The following MLLT3 variants were observed in gnomAD, a reference collection of about 807,000 sequenced individuals.
MLLT3 encodes the protein protein AF-9.
MLLT3 carries 4 observed loss-of-function variants against 53.2 expected under a neutral mutation model. The observed-to-expected ratio is 0.08, with a 90% confidence interval of 0.04 to 0.17. The LOEUF (loss-of-function observed/expected upper bound fraction) is 0.17, where lower values mean the gene tolerates loss of function less well. MLLT3 is among the 10% of genes least tolerant of loss of function. MLLT3 has a pLI of 1.00. For missense variants in MLLT3, 569 were observed against 684.0 expected (o/e 0.83, Z 1.87); for synonymous variants, 283 against 230.6 (o/e 1.23, Z -2.06).
intron 2 of MLLT3, among the ~76,000 whole-genome samples, chr9:20,548,323 C>A (rs116240518): frequency 2.0e-5 from 3 of 152,170 alleles, no homozygotes; most frequent in Non-Finnish European, 2.9e-5. Context: ...TCTGACATTG[C>A]GTTTATGATG....
chr9:20,460,205 C>G (rs537503759), intron 2 of MLLT3, among the ~76,000 whole-genome samples: 2 of 152,308 alleles, frequency 1.3e-5, no homozygotes, highest in South Asian at 4.2e-4. Flanking sequence ...TCTCTCACTG[C>G]ATCAAGTTTA....
At chr9:20,380,882 G>A (rs573458832) in intron 5 of MLLT3, among the ~76,000 whole-genome samples, 4 of 152,038 alleles carry the variant, frequency 2.6e-5, no homozygotes, top group East Asian at 1.9e-4. Context: ...CTAAAAATGC[G>A]AAAGAAAGCC....
chr9:20,397,100 A>C (rs1822339657), intron 5 of MLLT3, among the ~76,000 whole-genome samples: 1 of 152,184 alleles, frequency 6.6e-6, no homozygotes, highest in Non-Finnish European at 1.5e-5. Context: ...TACGATCATC[A>C]TTTATGAGCA....
rs1554673228 is a variant in MLLT3, at chr9:20,342,834, G to GTGTATATA, written c.*3608_*3609insTATATACA. The GTGTATATA allele has an allele frequency of 8.0e-3, 1,341 of 166,684 alleles. 17 individuals are homozygous for GTGTATATA. Among genetic ancestry groups the GTGTATATA allele is most frequent in the African/African-American group, 0.031 (1,228 of 40,226 alleles). 10.3% of individuals were successfully genotyped at this position (166,684 alleles called of 1,614,324 possible). The stretch of plus-strand genomic sequence containing the variant: ...AAGATTACTCTGATAATATATATGT[G>GTGTATATA]TATATATATATATATATGTATATAT... On this transcript the variant is annotated 3_prime_UTR_variant, in exon 11 of 11. Transcript: ENST00000380338.
At chr9:20,399,318 C>G (rs766355377) in intron 5 of MLLT3, among the ~76,000 whole-genome samples, 2 of 152,054 alleles carry the variant, frequency 1.3e-5, no homozygotes, top group Admixed American at 6.6e-5. Context: ...TAAATACATA[C>G]GCATATATTA....
chr9:20,573,191 T>TTG (rs1712158673), intron 2 of MLLT3, among the ~76,000 whole-genome samples: 3 of 148,720 alleles, frequency 2.0e-5, no homozygotes, highest in Non-Finnish European at 4.5e-5. Context: ...TTGTTTTGTT[T>TTG]TTTTTTTTTG....
chr9:20,394,959 A>G (rs1477680771), intron 5 of MLLT3, among the ~76,000 whole-genome samples: 2 of 152,108 alleles, frequency 1.3e-5, no homozygotes, highest in East Asian at 3.9e-4. Context: ...AAGGTGACCC[A>G]TGTGAGAGAA....
Position 20,537,941 on chromosome 9 carries a change from G to C in MLLT3, c.194-81155C>G, listed in dbSNP as rs111527529. ...ACTAATTACAAATCAGAAGACAAAT[G>C]ATAAACTACATGGCAGACTTATAAT... On this transcript the variant is annotated intron_variant, in intron 2 of 10. Transcript: ENST00000380338. Among the ~76,000 whole-genome samples the C allele has an allele frequency of 3.9e-5, 6 of 152,196 alleles. 1 individual carries two copies. Among genetic ancestry groups the C allele is most frequent in the African/African-American group, 1.2e-4 (5 of 41,528 alleles).
chr9:20,591,619 C>A (rs1242133682), intron 2 of MLLT3, among the ~76,000 whole-genome samples: 2 of 152,070 alleles, frequency 1.3e-5, no homozygotes, highest in African/African-American at 4.8e-5. Flanking sequence ...GTTTAGGGAA[C>A]AAAGAATCAC....
At chr9:20,353,228 C>T (rs1293964704) in intron 10 of MLLT3, among the ~76,000 whole-genome samples, 2 of 152,210 alleles carry the variant, frequency 1.3e-5, no homozygotes, top group East Asian at 1.9e-4. Context: ...TGTCCCCTCC[C>T]TGAGCCCACA....
At chr9:20,479,691 T>C (rs921104347) in intron 2 of MLLT3, among the ~76,000 whole-genome samples, 2 of 152,216 alleles carry the variant, frequency 1.3e-5, no homozygotes, top group African/African-American at 4.8e-5. Flanking sequence ...TGTCCTAGCT[T>C]TCCTTCCTGG....
At chr9:20,489,158 A>G (rs2118918843) in intron 2 of MLLT3, among the ~76,000 whole-genome samples, 2 of 152,286 alleles carry the variant, frequency 1.3e-5, no homozygotes, top group South Asian at 2.1e-4. Flanking sequence ...TTAACAAGGG[A>G]GAGCGGGTGG....
rs1464281441 is a variant in MLLT3, at chr9:20,343,967, C to CA, written c.*2475dup. 15 of 202,668 alleles carry CA rather than the reference C, an allele frequency of 7.4e-5. No homozygotes were observed. Among genetic ancestry groups the CA allele is most frequent in the Middle Eastern group, 1.7e-3 (1 of 596 alleles). 12.6% of individuals were successfully genotyped at this position (202,668 alleles called of 1,614,324 possible). A position where few individuals can be genotyped will look rare whatever the true frequency, so the allele number is the denominator to read the frequency against. On this transcript the variant is annotated 3_prime_UTR_variant, in exon 11 of 11. Coordinates refer to ENST00000380338, the MANE Select transcript of MLLT3 (RefSeq NM_004529.4). ...TTAGATGAGAGCAAGATTACCACTT[C>CA]AAAAAAAATAACGTAACTCTCAGTC...
intron 5 of MLLT3, among the ~76,000 whole-genome samples, chr9:20,395,206 T>C (rs1479705586): frequency 1.3e-5 from 2 of 152,202 alleles, no homozygotes; most frequent in Non-Finnish European, 2.9e-5. Flanking sequence ...ATCTGCTTAA[T>C]CTTCTCCCCT....
At chr9:20,366,424 G>C (rs1587160976) in intron 5 of MLLT3, among the ~76,000 whole-genome samples, 1 of 151,950 alleles carries the variant, frequency 6.6e-6, no homozygotes, top group South Asian at 2.1e-4. Flanking sequence ...TGTGCCACAT[G>C]TTCTTTATCC....
intron 2 of MLLT3, among the ~76,000 whole-genome samples, chr9:20,616,488 T>C (rs1820835907): frequency 6.6e-6 from 1 of 151,558 alleles, no homozygotes; most frequent in African/African-American, 2.4e-5. Context: ...GAGTTAACTT[T>C]AAAAAAAAAT....
chr9:20,401,472 A>G (rs1470526302), intron 5 of MLLT3, among the ~76,000 whole-genome samples: 1 of 152,178 alleles, frequency 6.6e-6, no homozygotes, highest in Non-Finnish European at 1.5e-5. Context: ...GAAACCCAGT[A>G]TGACAGACAG....
Position 20,347,661 on chromosome 9 carries a change from A to C in MLLT3, c.1576-1087T>G, listed in dbSNP as rs148274410. Among the ~76,000 whole-genome samples, 143 of 152,292 alleles carry C rather than the reference A, an allele frequency of 9.4e-4. 1 individual carries two copies. The highest frequency in any genetic ancestry group is 3.2e-3 in the African/African-American group (133 of 41,564). On this transcript the variant is annotated intron_variant, in intron 10 of 10. Coordinates refer to ENST00000380338, the MANE Select transcript of MLLT3 (RefSeq NM_004529.4). ...GCTGTATCTGGGCAGTGTATTGGGC[A>C]CAGCGTTTTTTGGGGGAGGCAGCAA...
In MLLT3 at chr9:20,414,009, C is replaced by T. The variant is rs1446404703; in HGVS notation, c.837G>A (p.Lys279=). ...LLTITSGQDK[K]APSKRPPISD... is the part of the protein sequence containing the mutation. The stretch of plus-strand genomic sequence containing the variant: ...AAATGGGCGGCCTTTTACTAGGAGC[C>T]TTCTTATCTTGTCCACTGGTGATGG... The change falls in exon 5 of 11, where the codon AAG becomes AAA. Residue 279 remains lysine, a synonymous_variant. Transcript: ENST00000380338. 6.2e-7 allele frequency: 1 copy of T among 1,614,122 alleles called. No homozygotes were observed. Among genetic ancestry groups the T allele is most frequent in the South Asian group, 1.1e-5 (1 of 91,078 alleles).
Sources: gnomAD v4.1 joint callset for allele counts (sites outside exome capture counted in the v4.1 genomes callset) on GRCh38, gnomAD v4.1.1 for gene constraint, MANE v1.5 for transcripts, NCBI Gene and HGNC (gene_info 2026-07-23, HGNC 2026-07-21) for gene names.